PTPRB: variants seen among roughly 807,000 people sequenced by gnomAD.
PTPRB encodes the protein protein tyrosine phosphatase receptor type B.
A neutral mutation model predicts 238.1 loss-of-function variants in PTPRB; 97 were observed. The observed-to-expected ratio is 0.41, with a 90% CI of 0.35 to 0.48. The LOEUF is 0.48. PTPRB is among the 20% of genes least tolerant of loss of function. PTPRB has a pLI of 0.30. For missense variants in PTPRB, 2,292 were observed against 2,681.9 expected (o/e 0.85, Z 3.21); for synonymous variants, 970 against 995.4 (o/e 0.97, Z 0.48).
At chr12:70,636,514 T>G (rs950258153) in intron 1 of PTPRB, among the ~76,000 whole-genome samples, 4 of 152,184 alleles carry the variant, frequency 2.6e-5, no homozygotes, top group Non-Finnish European at 1.5e-5. Context: ...CCTTTTCCAG[T>G]CTTTAAATTC....
chr12:70,562,433 C>T (rs554753776), intron 16 of PTPRB, among the ~76,000 whole-genome samples: 1 of 152,264 alleles, frequency 6.6e-6, no homozygotes, highest in African/African-American at 2.4e-5. Context: ...GTTTCTAATT[C>T]GCAGCAGTCA....
rs766415813 is a variant in PTPRB at position 70,566,433 on chromosome 12, A to G, written c.3904+2T>C. On this transcript the variant is annotated splice_donor_variant, in intron 15 of 33. Coordinates refer to ENST00000334414, the MANE Select transcript of PTPRB (RefSeq NM_001109754.4). LOFTEE classifies it high-confidence loss of function. ...TACAAAACATTATGCTGTGCTAATT[A>G]CCTGTTCGGCCTTCAGTCTGGGCTT... 6.2e-7 allele frequency: 1 copy of G among 1,613,510 alleles called. No homozygotes were observed. The highest frequency in any genetic ancestry group is 1.1e-5 in the South Asian group (1 of 91,034).
At chr12:70,566,365 A>T in intron 15 of PTPRB, 70 bp downstream of exon 15, 1 of 1,537,216 alleles carries the variant, frequency 6.5e-7, no homozygotes, top group Admixed American at 1.9e-5. Context: ...CATCCCTCTC[A>T]CCCTGGGGTT....
chr12:70,525,689 C>T (rs1204683962), intron 32 of PTPRB, among the ~76,000 whole-genome samples: 1 of 152,192 alleles, frequency 6.6e-6, no homozygotes, highest in Admixed American at 6.5e-5. Context: ...TCCTTATACT[C>T]CGTGAGTTCT....
At chr12:70,571,692 T>C in intron 12 of PTPRB, 132 bp downstream of exon 12, 2 of 1,016,648 alleles carry the variant, frequency 2.0e-6, no homozygotes, top group Non-Finnish European at 2.8e-6. Context: ...GGCTGAATGA[T>C]GTTAGCACCA....
chr12:70,575,462 C>G (rs967450360), intron 11 of PTPRB, among the ~76,000 whole-genome samples: 6 of 152,158 alleles, frequency 3.9e-5, no homozygotes, highest in African/African-American at 7.2e-5. Flanking sequence ...TCAGGGGTTA[C>G]TACATTCCTA....
chr12:70,595,345 T>G (rs969181395), intron 5 of PTPRB, among the ~76,000 whole-genome samples: 7 of 152,088 alleles, frequency 4.6e-5, no homozygotes, highest in Non-Finnish European at 8.8e-5. Flanking sequence ...AAATATCTAA[T>G]GTAGATGATG....
At chr12:70,557,604 T>A (rs902370015) in intron 18 of PTPRB, among the ~76,000 whole-genome samples, 2 of 152,192 alleles carry the variant, frequency 1.3e-5, no homozygotes, top group Admixed American at 1.3e-4. Flanking sequence ...GCTCTTAAAC[T>A]GAGCACCTGC....
At chr12:70,563,851 C>A (rs1878849915) in intron 15 of PTPRB, among the ~76,000 whole-genome samples, 1 of 152,168 alleles carries the variant, frequency 6.6e-6, no homozygotes, top group African/African-American at 2.4e-5. Context: ...CTCTATAATC[C>A]ACTCAGCCCC....
chr12:70,607,086 TC>T (rs1380136557), intron 4 of PTPRB, among the ~76,000 whole-genome samples: 12 of 152,242 alleles, frequency 7.9e-5, no homozygotes, highest in Non-Finnish European at 5.9e-5. Context: ...TTCTTACATT[TC>T]AGAAATGCCT....
chr12:70,627,339 C>T (rs1419198857), intron 2 of PTPRB, among the ~76,000 whole-genome samples: 4 of 152,034 alleles, frequency 2.6e-5, no homozygotes, highest in African/African-American at 9.7e-5. Flanking sequence ...TTGGCGTGCG[C>T]AGGACTGACT....
At chr12:70,570,927 C>T in intron 13 of PTPRB, 99 bp downstream of exon 13, 1 of 1,339,274 alleles carries the variant, frequency 7.5e-7, no homozygotes, top group East Asian at 2.4e-5. Context: ...TGCTGTCTCC[C>T]TTTTATCCCT....
chr12:70,559,661 A>C, intron 17 of PTPRB, 37 bp from the exon 18 acceptor site: 1 of 1,538,506 alleles, frequency 6.5e-7, no homozygotes, highest in South Asian at 1.1e-5. Context: ...ACATAATCAC[A>C]GCTATGCCAT....
Position 70,524,533 on chromosome 12 carries a change from C to G in PTPRB, c.6563G>C (p.Arg2188Pro), listed in dbSNP as rs377156203. ...AAACAAGGGGTTTTCTTGTTCACTC[C>G]GTAGCTTTCTTGCTCTGAGGACATC... is the stretch of plus-strand genomic sequence containing the variant. ...VRDVLRARKLRSEQENPLFPI... is the reference protein window; with the variant it reads ...VRDVLRARKLPSEQENPLFPI... Residue 2188 changes from arginine (R) to proline (P), a missense_variant, in exon 33 of 34, where the codon CGG (arginine) becomes CCG (proline). Around this residue, in one of 4 missense-constraint regions of PTPRB, gnomAD observed 397 missense variants for 502.0 expected, o/e 0.79. Transcript: ENST00000334414. The G allele has an allele frequency of 1.2e-6, 2 of 1,613,174 alleles. No individual in the cohort carries two copies. Among genetic ancestry groups the G allele is most frequent in the Non-Finnish European group, 1.7e-6 (2 of 1,179,290 alleles).
At chr12:70,575,581 G>A (rs1373724640) in intron 11 of PTPRB, among the ~76,000 whole-genome samples, 5 of 152,076 alleles carry the variant, frequency 3.3e-5, no homozygotes, top group African/African-American at 4.8e-5. Flanking sequence ...CAGGTCCTGC[G>A]CTAGGTAACA....
rs771931324 is a variant in PTPRB, at chr12:70,524,582, C to T, written c.6514G>A (p.Val2172Ile). Residue 2172 changes from valine (V) to isoleucine (I), a missense_variant, in exon 33 of 34, where the codon GTC becomes ATC. Transcript: ENST00000334414. ...TCTCTTACACACTGATGTAGGTAGACATACTGACACTGTGGAAAAGCAGAA... is the reference window on the plus strand; with the variant it reads ...TCTCTTACACACTGATGTAGGTAGATATACTGACACTGTGGAAAAGCAGAA... The part of the protein sequence containing the change: ...VHMVQTECQY[V>I]YLHQCVRDVL... The T allele has an allele frequency of 6.2e-7, 1 of 1,609,410 alleles. No individual in the cohort carries two copies. The highest frequency in any genetic ancestry group is 8.5e-7 in the Non-Finnish European group (1 of 1,177,720).
chr12:70,529,964 CATGGGGAGTAGAGGAATAT>C (rs1398721404), intron 32 of PTPRB, among the ~76,000 whole-genome samples: 18 of 130,544 alleles, frequency 1.4e-4, no homozygotes, highest in African/African-American at 4.7e-4. Flanking sequence ...AGGAAAAATC[CATGGGGAGTAGAGGAATAT>C]ATTACCACCA....
In PTPRB at chr12:70,534,932, T is replaced by G. The variant is rs774021538; in HGVS notation, c.6105A>C (p.Pro2035=). 1.2e-6 allele frequency: 2 copies of G among 1,613,642 alleles called. No homozygotes were observed. The change falls in exon 30 of 34, where the codon CCA becomes CCC. Residue 2035 remains proline, a synonymous_variant. Coordinates refer to ENST00000334414, the MANE Select transcript of PTPRB (RefSeq NM_001109754.4). ...KGRVKCDHYW[P]ADQDSLYYGD... ...CATAGTAGAGGGAATCCTGGTCCGC[T>G]GGCCAGTAATGATCACACTTTACCT...
rs550818630 is a variant in PTPRB at position 70,560,039 on chromosome 12, G to A, written c.4433-415C>T. ...TTTAGTAGAGACAGGGTTTCCTCTC[G>A]TTGACCAGGCTGGTCTCGAACTCCA... On this transcript the variant is annotated intron_variant, in intron 17 of 33. Coordinates refer to ENST00000334414, the MANE Select transcript of PTPRB (RefSeq NM_001109754.4). The surrounding 1 kb of genome is among the most constrained non-coding windows in gnomAD (Gnocchi z 4.2). Among the ~76,000 whole-genome samples the A allele has an allele frequency of 6.5e-4, 99 of 151,840 alleles. No homozygotes were observed. Among genetic ancestry groups the A allele is most frequent in the Non-Finnish European group, 1.2e-3 (83 of 67,990 alleles).
Sources: gnomAD v4.1 joint callset for allele counts (sites outside exome capture counted in the v4.1 genomes callset) on GRCh38, gnomAD v4.1.1 for gene constraint, gnomAD v4.1.1 regional missense constraint, Gnocchi (gnomAD v3.1) non-coding constraint, MANE v1.5 for transcripts, NCBI Gene and HGNC (gene_info 2026-07-23, HGNC 2026-07-21) for gene names.